The following VWA3B variants were observed in gnomAD, a reference collection of about 807,000 sequenced individuals.
The protein encoded by VWA3B is von Willebrand factor A domain-containing protein 3B.
A neutral mutation model predicts 158.3 loss-of-function variants in VWA3B; 138 were observed. The ratio of observed to expected loss-of-function variants is 0.87; its 90% CI spans 0.76 to 1.00. The LOEUF is 1.00. VWA3B is among the 50% of genes least tolerant of loss of function. The pLI, the probability that VWA3B is intolerant of heterozygous loss-of-function variation, is 0.00. For missense variants in VWA3B, 1,555 were observed against 1,565.1 expected (o/e 0.99, Z 0.11); for synonymous variants, 596 against 587.3 (o/e 1.01, Z -0.21).
chr2:98,233,439 A>T (rs1182080123), intron 16 of VWA3B, among the ~76,000 whole-genome samples: 1 of 152,146 alleles, frequency 6.6e-6, no homozygotes, highest in Non-Finnish European at 1.5e-5. Flanking sequence ...TGGCTCACGT[A>T]AATCTGATTG....
At chr2:98,213,494 A>G (rs867360124) in intron 13 of VWA3B, among the ~76,000 whole-genome samples, 18 of 152,182 alleles carry the variant, frequency 1.2e-4, no homozygotes, top group African/African-American at 4.3e-4. Flanking sequence ...TCCAGACGTG[A>G]GCCGCAGGAA....
chr2:98,198,076 A>T (rs1458379893), intron 12 of VWA3B, among the ~76,000 whole-genome samples: 2 of 151,888 alleles, frequency 1.3e-5, no homozygotes. Flanking sequence ...ATCCATAAAC[A>T]TCTATATTTA....
chr2:98,232,122 G>A (rs142240788), intron 16 of VWA3B, among the ~76,000 whole-genome samples: 56 of 152,200 alleles, frequency 3.7e-4, no homozygotes, highest in African/African-American at 1.3e-3. Context: ...TCGGCCTAGG[G>A]ATTTCTTTTC....
At chr2:98,315,642 A>G (rs1451934224), downstream of VWA3B, among the ~76,000 whole-genome samples, 1 of 152,250 alleles carries the variant, frequency 6.6e-6, no homozygotes, top group African/African-American at 2.4e-5. Flanking sequence ...TCAATGACAC[A>G]GTCTATTGCC....
At chr2:98,298,367 A>G (rs62155297) in intron 24 of VWA3B, among the ~76,000 whole-genome samples, 5,905 of 136,742 alleles carry the variant, frequency 0.043, 167 homozygotes, top group Middle Eastern at 0.087. Context: ...ACTTTTAACT[A>G]CAAAAGATTC....
chr2:98,140,848 A>G (rs1283600756), intron 7 of VWA3B, among the ~76,000 whole-genome samples: 4 of 152,216 alleles, frequency 2.6e-5, no homozygotes, highest in African/African-American at 9.6e-5. Context: ...CCTGAACTCT[A>G]GGAATTTTCC....
At chr2:98,098,808 A>G (rs1400777757) in intron 2 of VWA3B, among the ~76,000 whole-genome samples, 1 of 151,754 alleles carries the variant, frequency 6.6e-6, no homozygotes, top group African/African-American at 2.4e-5. Context: ...TTTCTTTGTG[A>G]TTAAGTGATT....
chr2:98,211,736 C>T (rs777466152), intron 12 of VWA3B, among the ~76,000 whole-genome samples, 194 bp from the exon 13 acceptor site: 5 of 152,160 alleles, frequency 3.3e-5, no homozygotes, highest in Admixed American at 1.3e-4. Flanking sequence ...TTGGACTGCC[C>T]GGAAAGAGAC....
rs570574071 is a variant in VWA3B, at chr2:98,303,625, T to C, written c.3421-77T>C. ...ATGACTAGAAGCTATTATAATGGGT[T>C]GAGCTAGAATAAAATTGTATCTGAA... On this transcript the variant is annotated intron_variant, in intron 25 of 27. Coordinates refer to ENST00000477737, the MANE Select transcript of VWA3B (RefSeq NM_144992.5). 395 of 1,359,974 alleles carry C rather than the reference T, an allele frequency of 2.9e-4. 5 individuals are homozygous for C. In the East Asian group the frequency reaches 9.2e-3, roughly 32 times the overall value. The allele number at this position is 1,359,974 out of a possible 1,614,324, so 84.2% of individuals were successfully genotyped here.
intron 12 of VWA3B, chr2:98,207,433 A>C: frequency 2.1e-6 from 1 of 475,696 alleles, no homozygotes. Flanking sequence ...GCATGGCTAC[A>C]AATCCCTCCA....
At chr2:98,164,603 A>G (rs1299351099) in intron 8 of VWA3B, among the ~76,000 whole-genome samples, 1 of 152,196 alleles carries the variant, frequency 6.6e-6, no homozygotes, top group Non-Finnish European at 1.5e-5. Flanking sequence ...CTGATTTTGA[A>G]CCCAAAATGC....
At chr2:98,168,164 A>G (rs1173578889) in intron 8 of VWA3B, among the ~76,000 whole-genome samples, 1 of 152,218 alleles carries the variant, frequency 6.6e-6, no homozygotes, top group Non-Finnish European at 1.5e-5. Flanking sequence ...ACTAACACAG[A>G]CATTAGAAAT....
At chr2:98,134,966 A>G (rs571573746) in intron 7 of VWA3B, among the ~76,000 whole-genome samples, 1 of 152,240 alleles carries the variant, frequency 6.6e-6, no homozygotes, top group Admixed American at 6.5e-5. Context: ...TACTTCACGT[A>G]ATGGAAACCT....
chr2:98,189,768 T>C (rs919131736), intron 10 of VWA3B, among the ~76,000 whole-genome samples: 15 of 152,380 alleles, frequency 9.8e-5, no homozygotes, highest in African/African-American at 3.4e-4. Context: ...CATTTAAGAT[T>C]GTTATGTTCT....
chr2:98,258,022 G>T (rs4619659), intron 21 of VWA3B, among the ~76,000 whole-genome samples: 123,444 of 151,796 alleles, frequency 0.81, 50,578 homozygotes, highest in South Asian at 0.9. Context: ...CATTTTTGAG[G>T]GACTTTTTGT....
intron 22 of VWA3B, among the ~76,000 whole-genome samples, chr2:98,290,122 T>C (rs1434721289): frequency 6.6e-6 from 1 of 152,174 alleles, no homozygotes; most frequent in Non-Finnish European, 1.5e-5. Context: ...ATAGGTTTAA[T>C]TGACACAGTT....
intron 21 of VWA3B, among the ~76,000 whole-genome samples, chr2:98,258,720 G>T (rs1252435547): frequency 1.3e-5 from 2 of 151,818 alleles, no homozygotes; most frequent in African/African-American, 4.8e-5. Context: ...ATTGGTACTA[G>T]TGGCTTTGTG....
At chr2:98,324,684 T>C in the VWA3B span, among the ~76,000 whole-genome samples, 3 of 152,246 alleles carry the variant, frequency 2.0e-5, no homozygotes, top group Non-Finnish European at 4.4e-5. Flanking sequence ...GTTAAAATTC[T>C]AAGTTATTCA....
chr2:98,133,193 A>T (rs1676007537), intron 6 of VWA3B, among the ~76,000 whole-genome samples: 1 of 151,888 alleles, frequency 6.6e-6, no homozygotes, highest in Non-Finnish European at 1.5e-5. Context: ...GGATATTTGG[A>T]CTCCACAGGG....
Sources: gnomAD v4.1 joint callset for allele counts (sites outside exome capture counted in the v4.1 genomes callset) on GRCh38, gnomAD v4.1.1 for gene constraint, MANE v1.5 for transcripts, NCBI Gene and HGNC (gene_info 2026-07-23, HGNC 2026-07-21) for gene names.